POTEE: variants seen among roughly 807,000 people sequenced by gnomAD.
POTEE encodes the protein ANKRD26-like family C member 1A.
A neutral mutation model predicts 74.2 loss-of-function variants in POTEE; 21 were observed. The observed-to-expected ratio is 0.28, with a 90% CI of 0.20 to 0.41. The LOEUF (loss-of-function observed/expected upper bound fraction) is 0.41. Ranked by LOEUF, POTEE falls within the 10% of genes least tolerant of loss-of-function variation. POTEE has a pLI of 1.00. For missense variants in POTEE, 525 were observed against 1,158.6 expected (o/e 0.45, Z 7.94); for synonymous variants, 211 against 432.8 (o/e 0.49, Z 6.36).
chr2:131,221,957 A>C (rs201783220), intron 4 of POTEE, among the ~76,000 whole-genome samples: 3 of 130,188 alleles, frequency 2.3e-5, no homozygotes, highest in Non-Finnish European at 1.7e-5. Context: ...ATATTCTACT[A>C]TCTCTCAGGA....
chr2:131,213,010 T>C lies in POTEE; in HGVS notation c.-189+1827T>C, dbSNP rs527332260. 1.2e-3 allele frequency among the ~76,000 whole-genome samples: 180 copies of C among 150,404 alleles called. 2 individuals carry two copies. In the East Asian group the frequency reaches 0.03, roughly 25 times the overall value. ...AGTCTCGCTCTTGTCCCCCAGGCTG[T>C]AGTACGATGGCCCGATCTTGGCTCA... On this transcript the variant is annotated intron_variant, in intron 2 of 17. Coordinates refer to ENST00000683005, the MANE Select transcript of POTEE (RefSeq NM_001083538.3).
At chr2:131,237,564 C>T (rs1439468931) in intron 10 of POTEE, among the ~76,000 whole-genome samples, 4 of 151,696 alleles carry the variant, frequency 2.6e-5, no homozygotes, top group African/African-American at 9.7e-5. Flanking sequence ...GTAATTAGTA[C>T]ACATTAGAAT....
At chr2:131,222,863 TG>T (rs1015260370) in intron 4 of POTEE, among the ~76,000 whole-genome samples, 3 of 151,876 alleles carry the variant, frequency 2.0e-5, no homozygotes, top group Non-Finnish European at 4.4e-5. Context: ...ATCTAAATGC[TG>T]GTCATCTGAC....
In POTEE at chr2:131,257,002, C is replaced by A. The variant is rs535228038; in HGVS notation, c.1778+3903C>A. On this transcript the variant is annotated intron_variant, in intron 16 of 17. Coordinates refer to ENST00000683005, the MANE Select transcript of POTEE (RefSeq NM_001083538.3). Reference sequence around the variant, plus strand: ...GTCTTGACATCAACTCTGTTAACATCATCATTTTTTAGAGTCTTTGATGTA... The same window carrying A: ...GTCTTGACATCAACTCTGTTAACATAATCATTTTTTAGAGTCTTTGATGTA... Among the ~76,000 whole-genome samples, 14 of 150,496 alleles carry A rather than the reference C, an allele frequency of 9.3e-5. No individual in the cohort carries two copies. The East Asian group carries it at 2.6e-3, about 28-fold the overall frequency.
Position 131,216,038 on chromosome 2 carries a change from C to A in POTEE, c.-188-1551C>A, listed in dbSNP as rs187024525. On this transcript the variant is annotated intron_variant, in intron 2 of 17. Transcript: ENST00000683005. Reference sequence around the variant, plus strand: ...AAAATTAACATTGGTTTCCATACACCAATGACAAACTGTTATCTGAAAAAT... The same window carrying A: ...AAAATTAACATTGGTTTCCATACACAAATGACAAACTGTTATCTGAAAAAT... 1.2e-3 allele frequency among the ~76,000 whole-genome samples: 177 copies of A among 152,154 alleles called. 2 individuals carry two copies. Among genetic ancestry groups the A allele is most frequent in the African/African-American group, 4.1e-3 (172 of 41,504 alleles).
intron 9 of POTEE, among the ~76,000 whole-genome samples, chr2:131,231,818 T>C (rs1435723522): frequency 6.6e-6 from 1 of 152,188 alleles, no homozygotes; most frequent in Non-Finnish European, 1.5e-5. Context: ...GCTAGTATGC[T>C]ACCTGGTTGT....
At chr2:131,213,484 C>T (rs1313830138) in intron 2 of POTEE, among the ~76,000 whole-genome samples, 6 of 152,146 alleles carry the variant, frequency 3.9e-5, no homozygotes, top group African/African-American at 1.4e-4. Flanking sequence ...AGGTTATGAG[C>T]ATGTAATATA....
At chr2:131,210,671 G>A (rs1219864856) in intron 1 of POTEE, among the ~76,000 whole-genome samples, 1 of 150,900 alleles carries the variant, frequency 6.6e-6, no homozygotes, top group East Asian at 2.0e-4. Flanking sequence ...TACCGGGTGG[G>A]GATTAGTGGG....
At chr2:131,222,867 C>T (rs1156624877) in intron 4 of POTEE, among the ~76,000 whole-genome samples, 1 of 151,762 alleles carries the variant, frequency 6.6e-6, no homozygotes, top group East Asian at 1.9e-4. Context: ...AAATGCTGGT[C>T]ATCTGACTGG....
Position 131,264,877 on chromosome 2 carries a change from T to G in POTEE, c.*194T>G. The G allele has an allele frequency of 9.7e-7, 1 of 1,028,386 alleles. No homozygotes were observed. The highest frequency in any genetic ancestry group is 1.4e-6 in the Non-Finnish European group (1 of 712,064). The allele number at this position is 1,028,386 out of a possible 1,614,324, so 63.7% of individuals were successfully genotyped here. A position where few individuals can be genotyped will look rare whatever the true frequency, so the allele number is the denominator to read the frequency against. ...CGGTTGGAGGAAGCTTCCTCCAAAG[T>G]TCTACAATGTTGCCAAGGACTTTGA... is the stretch of plus-strand genomic sequence containing the variant. On this transcript the variant is annotated 3_prime_UTR_variant, in exon 18 of 18. Coordinates refer to ENST00000683005, the MANE Select transcript of POTEE (RefSeq NM_001083538.3).
chr2:131,224,370 TG>T (rs1327015658), intron 6 of POTEE, among the ~76,000 whole-genome samples: 20 of 145,838 alleles, frequency 1.4e-4, no homozygotes, highest in African/African-American at 5.1e-4. Context: ...AAATTTGCCC[TG>T]AAATAGGTTT....
chr2:131,228,473 A>C (rs1301697535), intron 8 of POTEE, 92 bp downstream of exon 8: 1 of 1,579,542 alleles, frequency 6.3e-7, no homozygotes, highest in Non-Finnish European at 8.6e-7. Flanking sequence ...GAGATGTCAT[A>C]GTTTGGTTCA....
At chr2:131,232,846 G>A (rs1458337415) in intron 9 of POTEE, among the ~76,000 whole-genome samples, 1 of 151,784 alleles carries the variant, frequency 6.6e-6, no homozygotes, top group African/African-American at 2.4e-5. Context: ...ACACAACATC[G>A]CAAGGGCTGC....
intron 4 of POTEE, among the ~76,000 whole-genome samples, chr2:131,221,356 A>G (rs1196568982): frequency 1.3e-5 from 2 of 152,240 alleles, no homozygotes; most frequent in Non-Finnish European, 2.9e-5. Context: ...TGAGAAAAAA[A>G]TCAGTTGGTT....
rs560370313 is a variant in POTEE at position 131,263,881 on chromosome 2, C to T, written c.2426C>T (p.Pro809Leu). The change falls in exon 18 of 18, where the codon CCC (proline) becomes CTC (leucine). Residue 809 changes from proline to leucine, a missense_variant. Physicochemically the swap from Pro to Leu is moderately conservative, Grantham distance 98. Transcript: ENST00000683005. ...CACCCCATCCTGCTGACCGAGGCCCCCCTGAACCCCAAGGCCAACCGCGAG... is the reference window on the plus strand; with the variant it reads ...CACCCCATCCTGCTGACCGAGGCCCTCCTGAACCCCAAGGCCAACCGCGAG... Reference protein sequence around the residue: ...EEHPILLTEAPLNPKANREKM... With the variant: ...EEHPILLTEALLNPKANREKM... 4 of 1,614,048 alleles carry T rather than the reference C, an allele frequency of 2.5e-6. No individual in the cohort carries two copies. The highest frequency in any genetic ancestry group is 3.4e-6 in the Non-Finnish European group (4 of 1,180,030).
intron 8 of POTEE, among the ~76,000 whole-genome samples, chr2:131,229,409 GAGT>G (rs1700879364): frequency 6.6e-6 from 1 of 152,136 alleles, no homozygotes; most frequent in Admixed American, 6.5e-5. Flanking sequence ...TTGGCCCCTT[GAGT>G]GATCTGATTT....
chr2:131,264,986 C>A lies in POTEE; in HGVS notation c.*303C>A. The A allele has an allele frequency of 1.8e-6, 1 of 568,140 alleles. No individual in the cohort carries two copies. The highest frequency in any genetic ancestry group is 3.1e-6 in the Non-Finnish European group (1 of 327,100). The allele number at this position is 568,140 out of a possible 1,614,324, so 35.2% of individuals were successfully genotyped here. On this transcript the variant is annotated 3_prime_UTR_variant, in exon 18 of 18. Coordinates refer to ENST00000683005, the MANE Select transcript of POTEE (RefSeq NM_001083538.3). ...GGAAGCCCCTTGCCCTGCTAAAAGC[C>A]ATCCCACTTCTCTCTAAGGAGAATG...
chr2:131,236,124 CA>C (rs1374020225), intron 9 of POTEE, among the ~76,000 whole-genome samples: 1 of 152,122 alleles, frequency 6.6e-6, no homozygotes, highest in Non-Finnish European at 1.5e-5. Flanking sequence ...TTTGCAACCT[CA>C]GCATAGCTTA....
chr2:131,230,520 A>G, intron 8 of POTEE, among the ~76,000 whole-genome samples: 1 of 152,202 alleles, frequency 6.6e-6, no homozygotes, highest in African/African-American at 2.4e-5. Context: ...AAGTTGTCCA[A>G]GAACAAATAG....
Sources: allele counts gnomAD v4.1 joint callset (sites outside exome capture counted in the v4.1 genomes callset), GRCh38; gene constraint gnomAD v4.1.1; transcripts MANE v1.5; gene names NCBI Gene and HGNC (gene_info 2026-07-23, HGNC 2026-07-21).